Variants in TAX1BP1 observed in about 807,000 individuals in gnomAD.
TAX1BP1 encodes the protein tax1-binding protein 1.
In TAX1BP1, 62 loss-of-function variants were observed where a neutral mutation model predicts 97.7. The observed-to-expected ratio is 0.63, with a 90% CI of 0.52 to 0.78. TAX1BP1 has a LOEUF of 0.78. Ranked by LOEUF, TAX1BP1 falls within the 30% of genes least tolerant of loss-of-function variation. The pLI, the probability that TAX1BP1 is intolerant of heterozygous loss-of-function variation, is 0.00. For synonymous variants in TAX1BP1, 340 were observed against 304.2 expected (o/e 1.12, Z -1.23); for missense variants, 867 against 916.1 (o/e 0.95, Z 0.69).
chr7:27,791,104 C>T (rs1789688620), intron 8 of TAX1BP1, among the ~76,000 whole-genome samples: 1 of 151,830 alleles, frequency 6.6e-6, no homozygotes, highest in African/African-American at 2.4e-5. Context: ...TTTTCTTCTC[C>T]TTTGACATAT....
At chr7:27,762,490 G>A (rs1228609913) in intron 3 of TAX1BP1, among the ~76,000 whole-genome samples, 2 of 22,072 alleles carry the variant, frequency 9.1e-5, no homozygotes, top group African/African-American at 1.2e-3. Flanking sequence ...GTGACCAGGA[G>A]TTAAGAGACC....
At chr7:27,773,879 A>T (rs1364560858) in intron 5 of TAX1BP1, among the ~76,000 whole-genome samples, 1 of 152,068 alleles carries the variant, frequency 6.6e-6, no homozygotes, top group Non-Finnish European at 1.5e-5. Context: ...TAAGTTTTTC[A>T]GTTAATTTAG....
intron 5 of TAX1BP1, among the ~76,000 whole-genome samples, chr7:27,770,774 C>G (rs1583688561): frequency 6.6e-6 from 1 of 152,034 alleles, no homozygotes; most frequent in Non-Finnish European, 1.5e-5. Flanking sequence ...TTGCTTTGTT[C>G]TATTTGTTTG....
At position 27,798,785 on chromosome 7, in the gene TAX1BP1, T is replaced by A. The variant is rs1222360412; in HGVS notation, c.1639-1180T>A. On this transcript the variant is annotated intron_variant, in intron 12 of 16. Coordinates refer to ENST00000396319, the MANE Select transcript of TAX1BP1 (RefSeq NM_006024.7). ...GTGGTTTTAATGTGCATTTGTATAA[T>A]GACTTGATGTTGAGCATCTTTTCTT... Among the ~76,000 whole-genome samples, 4 of 152,086 alleles carry A rather than the reference T, an allele frequency of 2.6e-5. 1 individual carries two copies. The East Asian group carries it at 7.7e-4, about 29-fold the overall frequency.
intron 3 of TAX1BP1, among the ~76,000 whole-genome samples, chr7:27,758,983 TAA>T (rs1037508033): frequency 7.0e-6 from 1 of 142,048 alleles, no homozygotes; most frequent in African/African-American, 2.5e-5. Flanking sequence ...TAGCACAACT[TAA>T]AAACTTGAAA....
At chr7:27,822,519 C>T (rs1371019696) in intron 15 of TAX1BP1, among the ~76,000 whole-genome samples, 3 of 151,630 alleles carry the variant, frequency 2.0e-5, no homozygotes, top group African/African-American at 7.3e-5. Flanking sequence ...GTTCCACTTA[C>T]TCCACATCCT....
In TAX1BP1 at chr7:27,816,355, A is replaced by C; in HGVS notation, c.1771A>C (p.Lys591Gln). 1 of 1,572,326 alleles carries C rather than the reference A, an allele frequency of 6.4e-7. No individual in the cohort carries two copies. The highest frequency in any genetic ancestry group is 1.4e-5 in the African/African-American group (1 of 71,886). The change falls in exon 14 of 17, where the codon AAA becomes CAA. Residue 591 changes from lysine (K) to glutamine (Q), a missense_variant. By Grantham distance (53) the Lys-to-Gln change is moderately conservative. This residue lies in a region of TAX1BP1 where 822 missense variants were observed against 851.4 expected (regional missense o/e 0.97). Transcript: ENST00000396319. ...TTGTTTTTGTTAATTTTAGGAACTT[A>C]AAAGGAGTCTAGAAAATCCAGCAGA... ...AEVQDNYKELKRSLENPAERK... is the reference protein window; with the variant it reads ...AEVQDNYKELQRSLENPAERK...
intron 7 of TAX1BP1, among the ~76,000 whole-genome samples, chr7:27,786,256 C>T (rs779477788): frequency 3.3e-5 from 5 of 151,736 alleles, no homozygotes; most frequent in Non-Finnish European, 4.4e-5. Context: ...CTCAGCCTCC[C>T]GAGGACCTGG....
chr7:27,768,773 G>A (rs1730472987), intron 4 of TAX1BP1, among the ~76,000 whole-genome samples: 1 of 151,996 alleles, frequency 6.6e-6, no homozygotes, highest in Non-Finnish European at 1.5e-5. Context: ...AGGTAGAAGA[G>A]TCATTCAGAA....
At chr7:27,776,673 A>C (rs1003660879) in intron 5 of TAX1BP1, among the ~76,000 whole-genome samples, 1 of 151,270 alleles carries the variant, frequency 6.6e-6, no homozygotes, top group African/African-American at 2.4e-5. Flanking sequence ...CTGTATACTT[A>C]TGGTTTTCAT....
At chr7:27,786,298 A>AT (rs1312427948) in intron 7 of TAX1BP1, among the ~76,000 whole-genome samples, 3 of 151,610 alleles carry the variant, frequency 2.0e-5, no homozygotes, top group African/African-American at 4.9e-5. Flanking sequence ...CGTCCGGCTA[A>AT]TTTTTTGTAT....
In TAX1BP1 at chr7:27,766,031, C is replaced by A; in HGVS notation, c.453+10C>A. The stretch of plus-strand genomic sequence containing the variant: ...AGCAGGCCTTCTTGAGGTTGGTGTT[C>A]ACAGTGAGATAGTGATTCATTGATA... On this transcript the variant is annotated intron_variant, in intron 4 of 16. Transcript: ENST00000396319. 6.2e-7 allele frequency: 1 copy of A among 1,611,074 alleles called. No homozygotes were observed. Among genetic ancestry groups the A allele is most frequent in the South Asian group, 1.1e-5 (1 of 90,822 alleles).
chr7:27,752,192 TTG>T lies in TAX1BP1; in HGVS notation c.162+3512_162+3513del, dbSNP rs768504606. 2.2e-3 allele frequency among the ~76,000 whole-genome samples: 324 copies of T among 150,026 alleles called. 1 individual carries two copies. The highest frequency in any genetic ancestry group is 7.5e-3 in the African/African-American group (306 of 40,532). On this transcript the variant is annotated intron_variant, in intron 2 of 16. Coordinates refer to ENST00000396319, the MANE Select transcript of TAX1BP1 (RefSeq NM_006024.7). ...AGCCTAAAGTGGAGAAGGAAGTAAG[TTG>T]TGTGTAATAATCCATAAGTAGAATT...
rs759301100 is a variant in TAX1BP1 at position 27,755,666 on chromosome 7, A to G, written c.163-2365A>G. On this transcript the variant is annotated intron_variant, in intron 2 of 16. Coordinates refer to ENST00000396319, the MANE Select transcript of TAX1BP1 (RefSeq NM_006024.7). ...TTGTTTAATTTCCATTTTCTCATTTATTTTGCTGTTGCAGTAGTAACAAGA... is the reference window on the plus strand; with the variant it reads ...TTGTTTAATTTCCATTTTCTCATTTGTTTTGCTGTTGCAGTAGTAACAAGA... Among the ~76,000 whole-genome samples the G allele has an allele frequency of 5.8e-4, 88 of 152,030 alleles. 1 individual carries two copies. The highest frequency in any genetic ancestry group is 6.2e-4 in the Non-Finnish European group (42 of 67,962).
At chr7:27,810,016 T>C (rs1583400459) in intron 13 of TAX1BP1, among the ~76,000 whole-genome samples, 2 of 152,146 alleles carry the variant, frequency 1.3e-5, no homozygotes, top group African/African-American at 4.8e-5. Flanking sequence ...CAAGCAATTC[T>C]CCTGCTGCAG....
chr7:27,754,551 A>C (rs898217500), intron 2 of TAX1BP1, among the ~76,000 whole-genome samples: 1 of 151,422 alleles, frequency 6.6e-6, no homozygotes, highest in Non-Finnish European at 1.5e-5. Context: ...ATGGAAGGAG[A>C]CTTTCAGTCT....
chr7:27,804,651 C>G (rs867609451), intron 13 of TAX1BP1, among the ~76,000 whole-genome samples: 1 of 152,162 alleles, frequency 6.6e-6, no homozygotes, highest in Non-Finnish European at 1.5e-5. Context: ...ATAGCAAAAA[C>G]TATTATGTAC....
intron 13 of TAX1BP1, among the ~76,000 whole-genome samples, chr7:27,813,520 A>G (rs984102509): frequency 6.6e-6 from 1 of 151,930 alleles, no homozygotes; most frequent in Non-Finnish European, 1.5e-5. Flanking sequence ...ACACCCAGCT[A>G]ATTTTTGTAT....
At chr7:27,794,294 A>C (rs1789834866) in intron 10 of TAX1BP1, 29 bp from the exon 11 acceptor site, 2 of 1,571,750 alleles carry the variant, frequency 1.3e-6, no homozygotes, top group South Asian at 2.3e-5. Context: ...TCATTGACTC[A>C]TTTAACAACT....
Sources: gnomAD v4.1 joint callset for allele counts (sites outside exome capture counted in the v4.1 genomes callset) on GRCh38, gnomAD v4.1.1 for gene constraint, gnomAD v4.1.1 regional missense constraint, MANE v1.5 for transcripts, NCBI Gene and HGNC (gene_info 2026-07-23, HGNC 2026-07-21) for gene names.